SLC2A9: variants seen among roughly 807,000 people sequenced by gnomAD.
The protein encoded by SLC2A9 is solute carrier family 2 member 9.
A neutral mutation model predicts 50.6 loss-of-function variants in SLC2A9; 39 were observed. The observed-to-expected ratio is 0.77, with a 90% CI of 0.60 to 1.01. SLC2A9 has a LOEUF of 1.01. Among genes scored for constraint, SLC2A9 ranks in the 50% least tolerant of loss-of-function variants. The pLI is 0.00. For synonymous variants in SLC2A9, 324 were observed against 276.9 expected, an observed-to-expected ratio of 1.17 and a Z score of -1.69; for missense variants, 686 against 677.6, an observed-to-expected ratio of 1.01 and a Z score of -0.14.
At chr4:9,781,783 G>T in intron 3 of SLC2A9, 1 of 411,442 alleles carries the variant, frequency 2.4e-6, no homozygotes, top group South Asian at 1.1e-4. Flanking sequence ...GCGAGCACCA[G>T]CCGCTTCCTG....
intron 3 of SLC2A9, among the ~76,000 whole-genome samples, chr4:9,994,564 C>CT (rs35574155): frequency 0.18 from 23,488 of 131,714 alleles, 2,241 homozygotes; most frequent in Non-Finnish European, 0.21. Flanking sequence ...TTTCCTTTTC[C>CT]TTTTTTTTTT....
chr4:9,810,193 T>C (rs1046184929), intron 3 of SLC2A9, among the ~76,000 whole-genome samples: 21 of 152,156 alleles, frequency 1.4e-4, no homozygotes, highest in African/African-American at 4.3e-4. Flanking sequence ...TTTACCACCA[T>C]ATGTCCAACA....
At chr4:9,777,236 G>C (rs1271330865), downstream of SLC2A9, among the ~76,000 whole-genome samples, 4 of 151,384 alleles carry the variant, frequency 2.6e-5, no homozygotes, top group Non-Finnish European at 5.9e-5. Flanking sequence ...AGAATCCCTA[G>C]CTGAAATGGC....
intron 10 of SLC2A9, 78 bp downstream of exon 10, chr4:9,887,489 T>C (rs1736480333): frequency 7.2e-7 from 1 of 1,391,050 alleles, no homozygotes; most frequent in African/African-American, 1.5e-5. Context: ...GGGTTCCCCA[T>C]CTGTATGAGG....
rs532299604 is a variant in SLC2A9 at position 10,006,012 on chromosome 4, C to T, written c.250-9071G>A. On this transcript the variant is annotated intron_variant, in intron 2 of 11. Transcript: ENST00000264784. ...CACAGTGCTGGGTCGATATGAAGTACACAATAAAAACCGGAAATTGGGGTG... is the reference window on the plus strand; with the variant it reads ...CACAGTGCTGGGTCGATATGAAGTATACAATAAAAACCGGAAATTGGGGTG... 2.6e-5 allele frequency among the ~76,000 whole-genome samples: 4 copies of T among 152,252 alleles called. No homozygotes were observed. The East Asian group carries it at 5.8e-4, about 22-fold the overall frequency.
chr4:9,772,899 T>C (rs1225818793), intron 1 of SLC2A9, among the ~76,000 whole-genome samples: 2 of 152,090 alleles, frequency 1.3e-5, no homozygotes, highest in African/African-American at 2.4e-5. Context: ...TGTATACATG[T>C]GCCATGCTGG....
At chr4:9,846,159 C>T (rs912686919) in intron 10 of SLC2A9, among the ~76,000 whole-genome samples, 2 of 152,200 alleles carry the variant, frequency 1.3e-5, no homozygotes, top group African/African-American at 4.8e-5. Context: ...GATCCGGACC[C>T]AGGTAAGAGA....
rs560972980 is a variant in SLC2A9 at position 9,908,243 on chromosome 4, C to T, written c.1105G>A (p.Val369Ile). The change falls in exon 8 of 12, where the codon GTC (valine) becomes ATC (isoleucine). Residue 369 changes from valine to isoleucine, a missense_variant. Coordinates refer to ENST00000264784, the MANE Select transcript of SLC2A9 (RefSeq NM_020041.3). ...ACCCTCAGTTGACTTACAGAGAAGA[C>T]GGCAGCCAAAGTCTCGATGCCCCCT... ...STGGIETLAAVFSGLVIEHLG... is the reference protein window; with the variant it reads ...STGGIETLAAIFSGLVIEHLG... 83 of 1,611,612 alleles carry T rather than the reference C, an allele frequency of 5.2e-5. No homozygotes were observed. Among genetic ancestry groups the T allele is most frequent in the Middle Eastern group, 3.3e-4 (2 of 6,056 alleles).
intron 5 of SLC2A9, among the ~76,000 whole-genome samples, chr4:9,950,436 C>A (rs1325499350): frequency 6.6e-6 from 1 of 152,162 alleles, no homozygotes; most frequent in Non-Finnish European, 1.5e-5. Flanking sequence ...AAAACATTTT[C>A]TATTTTTCAA....
chr4:9,930,711 T>C (rs1483881179), intron 6 of SLC2A9, among the ~76,000 whole-genome samples: 2 of 152,204 alleles, frequency 1.3e-5, no homozygotes, highest in South Asian at 2.1e-4. Flanking sequence ...TTGCTTTCCT[T>C]GGCTCTGAGG....
At chr4:10,016,479 A>T (rs1236306923) in intron 2 of SLC2A9, among the ~76,000 whole-genome samples, 1 of 152,156 alleles carries the variant, frequency 6.6e-6, no homozygotes, top group Non-Finnish European at 1.5e-5. Context: ...GGCTTTTTCC[A>T]TCTGTGCTCT....
Position 9,782,360 on chromosome 4 carries a change from G to A in SLC2A9, n.386-2295C>T, listed in dbSNP as rs1718551503. 4 of 1,613,922 alleles carry A rather than the reference G, an allele frequency of 2.5e-6. No individual in the cohort carries two copies. In the South Asian group the frequency reaches 3.3e-5, roughly 13 times the overall value. On this transcript the variant is annotated intron_variant and non_coding_transcript_variant, in intron 3 of 3. Coordinates refer to the SLC2A9 transcript ENST00000503803. ...GGTGGCCGGTTACTGGCCCTTTGGA[G>A]CGTTCTGCGACGTCTGGGTGGCCTT...
chr4:9,935,753 C>G (rs1447276595), intron 6 of SLC2A9, among the ~76,000 whole-genome samples: 1 of 152,220 alleles, frequency 6.6e-6, no homozygotes, highest in Non-Finnish European at 1.5e-5. Context: ...GCTCCCAGCA[C>G]CGTCTCGCCT....
At chr4:9,926,729 T>C (rs1744969924) in intron 6 of SLC2A9, among the ~76,000 whole-genome samples, 1 of 152,092 alleles carries the variant, frequency 6.6e-6, no homozygotes, top group Admixed American at 6.5e-5. Context: ...TACTTGGAAA[T>C]AAGACCTTTG....
chr4:9,825,608 T>C (rs900588759), downstream of SLC2A9, among the ~76,000 whole-genome samples: 2 of 151,960 alleles, frequency 1.3e-5, no homozygotes, highest in Non-Finnish European at 2.9e-5. Flanking sequence ...TGGATGGAGG[T>C]CAATTTTCAG....
chr4:9,783,327 C>T (rs781290478), intron 3 of SLC2A9: 3 of 1,614,236 alleles, frequency 1.9e-6, no homozygotes, highest in South Asian at 1.1e-5. Flanking sequence ...GAGGAGGGTC[C>T]TTTCGATCGC....
chr4:9,955,581 A>G (rs1751104981), intron 5 of SLC2A9, among the ~76,000 whole-genome samples: 1 of 151,790 alleles, frequency 6.6e-6, no homozygotes, highest in South Asian at 2.1e-4. Context: ...GTGCTCTCCA[A>G]GTGTACTTTA....
intron 3 of SLC2A9, among the ~76,000 whole-genome samples, chr4:9,819,140 A>T (rs1393365125): frequency 6.7e-6 from 1 of 148,896 alleles, no homozygotes; most frequent in Non-Finnish European, 1.5e-5. Flanking sequence ...AAAAAAAAAA[A>T]GTATACAGGT....
At chr4:9,822,773 A>T (rs1724586544), downstream of SLC2A9, among the ~76,000 whole-genome samples, 1 of 152,140 alleles carries the variant, frequency 6.6e-6, no homozygotes, top group African/African-American at 2.4e-5. Flanking sequence ...TTCTAAGGTG[A>T]CTTTCAAGAT....
Sources: allele counts gnomAD v4.1 joint callset (sites outside exome capture counted in the v4.1 genomes callset), GRCh38; gene constraint gnomAD v4.1.1; transcripts MANE v1.5; gene names NCBI Gene and HGNC (gene_info 2026-07-23, HGNC 2026-07-21).